PAM: variants seen among roughly 807,000 people sequenced by gnomAD.
PAM encodes peptidylglycine alpha-amidating monooxygenase.
A neutral mutation model predicts 122.1 loss-of-function variants in PAM; 72 were observed. The observed-to-expected ratio is 0.59, with a 90% CI of 0.49 to 0.72. The LOEUF (loss-of-function observed/expected upper bound fraction) is 0.72, where lower values mean the gene tolerates loss of function less well. Among genes scored for constraint, PAM ranks in the 30% least tolerant of loss-of-function variants. The pLI is 0.00. For synonymous variants in PAM, 389 were observed against 404.4 expected (o/e 0.96, Z 0.46); for missense variants, 1,106 against 1,183.7 (o/e 0.93, Z 0.96).
chr5:102,979,678 A>G (rs1334030119), intron 15 of PAM, among the ~76,000 whole-genome samples: 3 of 152,086 alleles, frequency 2.0e-5, no homozygotes, highest in African/African-American at 4.8e-5. Flanking sequence ...CCTTTCAAAT[A>G]CTTATTAATA....
intron 16 of PAM, among the ~76,000 whole-genome samples, chr5:102,992,661 A>T (rs1774478896): frequency 1.3e-5 from 2 of 152,058 alleles, no homozygotes; most frequent in African/African-American, 4.8e-5. Flanking sequence ...AAGAAAAAGT[A>T]CCTTCCTGTG....
chr5:102,921,241 A>G (rs575445780), intron 5 of PAM, among the ~76,000 whole-genome samples: 12 of 152,274 alleles, frequency 7.9e-5, no homozygotes, highest in African/African-American at 2.9e-4. Context: ...ACAGCCATTG[A>G]TCAAGAGTTA....
At position 102,926,633 on chromosome 5, in the gene PAM, TAC is replaced by T; in HGVS notation, c.493_494del (p.Gln165GlyfsTer7). The T allele has an allele frequency of 6.3e-7, 1 of 1,597,970 alleles. No individual in the cohort carries two copies. The highest frequency in any genetic ancestry group is 8.6e-7 in the Non-Finnish European group (1 of 1,165,470). ...GAGACTGGAAGTAAATACTTTGTAC[TAC>T]AGGTACACTATGGGGATATTAGTGC... On this transcript the variant is annotated frameshift_variant, in exon 7 of 26. Transcript: ENST00000438793. LOFTEE classifies it high-confidence loss of function.
chr5:102,865,920 G>C lies in PAM; in HGVS notation c.-276G>C. 2 of 374,680 alleles carry C rather than the reference G, an allele frequency of 5.3e-6. No individual in the cohort carries two copies. Among genetic ancestry groups the C allele is most frequent in the Non-Finnish European group, 9.4e-6 (2 of 212,376 alleles). The allele number at this position is 374,680 out of a possible 1,614,324, so 23.2% of individuals were successfully genotyped here. A position where few individuals can be genotyped will look rare whatever the true frequency, so the allele number is the denominator to read the frequency against. On this transcript the variant is annotated 5_prime_UTR_variant, in exon 2 of 26. Transcript: ENST00000438793. Reference sequence around the variant, plus strand: ...CCCGCGCGTCTAGCCCCAGCGCCAGGGCACGCGAGCGGCGCTGGAGGGAGG... The same window carrying C: ...CCCGCGCGTCTAGCCCCAGCGCCAGCGCACGCGAGCGGCGCTGGAGGGAGG...
chr5:102,895,439 T>G (rs960094993), intron 3 of PAM, among the ~76,000 whole-genome samples: 6 of 151,732 alleles, frequency 4.0e-5, no homozygotes, highest in Admixed American at 2.6e-4. Context: ...GAATTACTCA[T>G]ATATGTTTGC....
chr5:103,007,506 C>G lies in PAM; in HGVS notation c.2064C>G (p.Ser688Arg), dbSNP rs965639294. The change falls in exon 20 of 26, where the codon AGC becomes AGG. Residue 688 changes from serine to arginine, a missense_variant. Ser to Arg is a moderately radical substitution (Grantham distance 110, BLOSUM62 -1). Around this residue, in one of 3 missense-constraint regions of PAM, gnomAD observed 103 missense variants for 157.9 expected, o/e 0.65. Transcript: ENST00000438793. ...CAGGCCAGTTCACTGTTCCTCACAG[C>G]TTGGCTCTTGTGCCTCTTTTGGGCC... is the stretch of plus-strand genomic sequence containing the variant. Reference protein sequence around the residue: ...PLPGQFTVPHSLALVPLLGQL... With the variant: ...PLPGQFTVPHRLALVPLLGQL... The G allele has an allele frequency of 2.5e-6, 4 of 1,614,092 alleles. No individual in the cohort carries two copies. Among genetic ancestry groups the G allele is most frequent in the Non-Finnish European group, 2.5e-6 (3 of 1,179,986 alleles).
chr5:102,897,253 T>A (rs1796464614), intron 3 of PAM, among the ~76,000 whole-genome samples: 1 of 151,544 alleles, frequency 6.6e-6, no homozygotes, highest in Non-Finnish European at 1.5e-5. Flanking sequence ...CTTACCAGTT[T>A]GTCTGGGTTG....
intron 5 of PAM, among the ~76,000 whole-genome samples, chr5:102,920,528 T>C (rs1310202298): frequency 6.6e-5 from 10 of 152,120 alleles, no homozygotes; most frequent in Non-Finnish European, 1.3e-4. Context: ...TTAATGTCTG[T>C]CCATTGCATT....
In PAM at chr5:102,972,520, G is replaced by A. The variant is rs933901787; in HGVS notation, c.1163-1596G>A. The stretch of plus-strand genomic sequence containing the variant: ...TGGTCTCGAGCTCCTGGGCTCAAGC[G>A]ATCCTCCTGCCTGGGCCTCCCAAAG... On this transcript the variant is annotated intron_variant, in intron 14 of 25. Coordinates refer to ENST00000438793, the MANE Select transcript of PAM (RefSeq NM_001177306.2). Among the ~76,000 whole-genome samples the A allele has an allele frequency of 3.3e-5, 5 of 151,742 alleles. No homozygotes were observed. In the South Asian group the frequency reaches 6.2e-4, roughly 19 times the overall value.
intron 1 of PAM, among the ~76,000 whole-genome samples, chr5:102,858,772 A>C (rs556326588): frequency 6.6e-6 from 1 of 152,180 alleles, no homozygotes; most frequent in Non-Finnish European, 1.5e-5. Context: ...CTTTTCCCCA[A>C]CCATCTCCAT....
At position 102,827,127 on chromosome 5, in the gene PAM, C is replaced by T. The variant is rs185621706; in HGVS notation, c.-373-38696C>T. ...TGTTTGTGGTTCTTCTCTTTGCTAT[C>T]CTCTTTCTATGAGACAGCTCTTATT... On this transcript the variant is annotated intron_variant, in intron 1 of 25. Coordinates refer to ENST00000438793, the MANE Select transcript of PAM (RefSeq NM_001177306.2). Among the ~76,000 whole-genome samples, 6 of 152,292 alleles carry T rather than the reference C, an allele frequency of 3.9e-5. No individual in the cohort carries two copies. In the East Asian group the frequency reaches 1.2e-3, roughly 29 times the overall value.
At chr5:102,973,787 T>A (rs2150435849) in intron 14 of PAM, among the ~76,000 whole-genome samples, 1 of 151,300 alleles carries the variant, frequency 6.6e-6, no homozygotes, top group Admixed American at 6.6e-5. Flanking sequence ...GATATTTTAT[T>A]TTAGAAATCT....
chr5:103,025,957 C>G (rs1784829916), intron 24 of PAM, among the ~76,000 whole-genome samples: 1 of 152,214 alleles, frequency 6.6e-6, no homozygotes, highest in East Asian at 1.9e-4. Flanking sequence ...TAACAAAAGG[C>G]ATAAGAAGTT....
At chr5:102,784,135 C>T (rs944329997) in intron 1 of PAM, among the ~76,000 whole-genome samples, 1 of 151,926 alleles carries the variant, frequency 6.6e-6, no homozygotes. Context: ...CCTTGTGATC[C>T]GCCCGCCTCA....
intron 14 of PAM, among the ~76,000 whole-genome samples, chr5:102,963,592 G>A (rs116656204): frequency 0.015 from 2,240 of 151,922 alleles, 51 homozygotes; most frequent in African/African-American, 0.052. Context: ...CATTATTGTG[G>A]TTGTGCTAGC....
intron 1 of PAM, among the ~76,000 whole-genome samples, chr5:102,852,115 C>T (rs1781482008): frequency 6.6e-6 from 1 of 152,156 alleles, no homozygotes; most frequent in Non-Finnish European, 1.5e-5. Context: ...TCATCTGCAC[C>T]AGCCATTATG....
At chr5:102,791,159 G>C (rs896502372) in intron 1 of PAM, among the ~76,000 whole-genome samples, 1 of 151,996 alleles carries the variant, frequency 6.6e-6, no homozygotes, top group Non-Finnish European at 1.5e-5. Context: ...TGTTTTTGCT[G>C]TTATAAATGA....
At chr5:102,812,848 A>C (rs1368992569) in intron 1 of PAM, among the ~76,000 whole-genome samples, 1 of 152,134 alleles carries the variant, frequency 6.6e-6, no homozygotes, top group Non-Finnish European at 1.5e-5. Context: ...TAAATAAAAT[A>C]TACATTTAGT....
At chr5:103,005,907 CTTGTTGTTG>C (rs80026727) in intron 18 of PAM, among the ~76,000 whole-genome samples, 7 of 150,910 alleles carry the variant, frequency 4.6e-5, no homozygotes, top group African/African-American at 1.2e-4. Flanking sequence ...CTGTTCCTAA[CTTGTTGTTG>C]TTGTTGTTGT....
Sources: allele counts gnomAD v4.1 joint callset (sites outside exome capture counted in the v4.1 genomes callset), GRCh38; gene constraint gnomAD v4.1.1; regional missense constraint gnomAD v4.1.1; transcripts MANE v1.5; gene names NCBI Gene and HGNC (gene_info 2026-07-23, HGNC 2026-07-21).